Variants in RYR2 observed in about 807,000 individuals in gnomAD.
RYR2 encodes ryanodine receptor 2.
RYR2 carries 227 observed loss-of-function variants against 601.1 expected under a neutral mutation model. That is an observed-to-expected ratio of 0.38 (90% CI 0.34 to 0.42). RYR2 has a LOEUF of 0.42. RYR2 is among the 10% of genes least tolerant of loss of function. RYR2 has a pLI of 1.00. For missense variants in RYR2, 4,646 were observed against 6,156.5 expected (o/e 0.75, Z 8.21); for synonymous variants, 2,223 against 2,175.1 (o/e 1.02, Z -0.61).
rs144136265 is a variant in RYR2 at position 237,140,706 on chromosome 1, G to C, written c.48+98137G>C. On this transcript the variant is annotated intron_variant, in intron 1 of 104. Coordinates refer to ENST00000366574, the MANE Select transcript of RYR2 (RefSeq NM_001035.3). The stretch of plus-strand genomic sequence containing the variant: ...AGGAATTTGGAATTAGACCATATTT[G>C]TTCCTGGGGAAGTGGATTAATTATT... Among the ~76,000 whole-genome samples the C allele has an allele frequency of 1.3e-4, 20 of 152,280 alleles. No homozygotes were observed. In the East Asian group the frequency reaches 3.7e-3, roughly 28 times the overall value.
chr1:237,511,658 A>G (rs1665910746), intron 23 of RYR2, 30 bp from the exon 24 acceptor site: 1 of 1,510,554 alleles, frequency 6.6e-7, no homozygotes, highest in South Asian at 1.2e-5. Flanking sequence ...ATTGGAGACT[A>G]TTTTATGTCA....
intron 1 of RYR2, among the ~76,000 whole-genome samples, chr1:237,262,258 T>TTTTTTTTTTTTG (rs1688612325): frequency 7.3e-6 from 1 of 137,506 alleles, no homozygotes; most frequent in Non-Finnish European, 1.6e-5. Flanking sequence ...TTTTTTTTTT[T>TTTTTTTTTTTTG]TTTTTTTTTT....
At chr1:237,401,469 T>C (rs1297285147) in intron 10 of RYR2, among the ~76,000 whole-genome samples, 2 of 152,178 alleles carry the variant, frequency 1.3e-5, no homozygotes, top group Admixed American at 6.5e-5. Flanking sequence ...AGAACACAGA[T>C]GTTATACTTA....
At chr1:237,068,909 A>G (rs1365120516) in intron 1 of RYR2, among the ~76,000 whole-genome samples, 1 of 152,160 alleles carries the variant, frequency 6.6e-6, no homozygotes, top group Non-Finnish European at 1.5e-5. Flanking sequence ...AAATACATGT[A>G]ATGGTAACAT....
chr1:237,752,997 A>G (rs1364349132), intron 80 of RYR2, among the ~76,000 whole-genome samples: 1 of 152,236 alleles, frequency 6.6e-6, no homozygotes, highest in African/African-American at 2.4e-5. Flanking sequence ...AACAAACAAA[A>G]GAACACAAAG....
intron 71 of RYR2, among the ~76,000 whole-genome samples, chr1:237,716,826 C>A (rs1558278387): frequency 6.6e-6 from 1 of 151,764 alleles, no homozygotes; most frequent in Non-Finnish European, 1.5e-5. Context: ...TTTGTCAAAA[C>A]AAAAATAAGC....
chr1:237,404,283 A>T (rs1467688678), intron 10 of RYR2, among the ~76,000 whole-genome samples: 1 of 152,062 alleles, frequency 6.6e-6, no homozygotes, highest in Non-Finnish European at 1.5e-5. Flanking sequence ...ATAGAGAACA[A>T]CTCATTACAA....
At chr1:237,531,163 T>A (rs1240215234) in intron 25 of RYR2, among the ~76,000 whole-genome samples, 1 of 152,194 alleles carries the variant, frequency 6.6e-6, no homozygotes, top group Non-Finnish European at 1.5e-5. Flanking sequence ...ATAATTTTAT[T>A]TACTTTTACA....
At chr1:237,149,937 TA>T (rs1271945983) in intron 1 of RYR2, among the ~76,000 whole-genome samples, 2 of 152,152 alleles carry the variant, frequency 1.3e-5, no homozygotes, top group Admixed American at 6.5e-5. Flanking sequence ...GATAGCTCAT[TA>T]GGGGGGTTTT....
chr1:237,258,167 TAAAA>T (rs5781947), intron 1 of RYR2, among the ~76,000 whole-genome samples: 4 of 108,254 alleles, frequency 3.7e-5, no homozygotes, highest in African/African-American at 8.5e-5. Context: ...AGACTCCATC[TAAAA>T]AAAAAAAAAA....
intron 35 of RYR2, among the ~76,000 whole-genome samples, chr1:237,602,316 T>C (rs764933631): frequency 6.6e-6 from 1 of 152,188 alleles, no homozygotes; most frequent in Middle Eastern, 3.4e-3. Flanking sequence ...AGTTATCATA[T>C]GTATATTATT....
At position 237,649,813 on chromosome 1, in the gene RYR2, A is replaced by G; in HGVS notation, c.7513-64A>G. 6 of 1,369,932 alleles carry G rather than the reference A, an allele frequency of 4.4e-6. No homozygotes were observed. In the South Asian group the frequency reaches 7.6e-5, roughly 17 times the overall value. The allele number at this position is 1,369,932 out of a possible 1,614,324, so 84.9% of individuals were successfully genotyped here. On this transcript the variant is annotated intron_variant, in intron 49 of 104. Transcript: ENST00000366574. ...TAGTGAAATTGTATGTCCCCATGTT[A>G]ATCCCTTTGAAGATTATCTACTGCC...
rs569746577 is a variant in RYR2, at chr1:237,685,388, C to T, written c.9018-2067C>T. On this transcript the variant is annotated intron_variant, in intron 62 of 104. Transcript: ENST00000366574. Reference sequence around the variant, plus strand: ...GAGGAATCAGCAGAGATTGTCAAGTCCTTTTTCTCTGACAGATTTTCAGGC... The same window carrying T: ...GAGGAATCAGCAGAGATTGTCAAGTTCTTTTTCTCTGACAGATTTTCAGGC... Among the ~76,000 whole-genome samples, 4 of 152,236 alleles carry T rather than the reference C, an allele frequency of 2.6e-5. No individual in the cohort carries two copies. The South Asian group carries it at 6.2e-4, about 24-fold the overall frequency.
chr1:237,159,184 G>T (rs537055478), intron 1 of RYR2, among the ~76,000 whole-genome samples: 1 of 152,044 alleles, frequency 6.6e-6, no homozygotes, highest in Non-Finnish European at 1.5e-5. Flanking sequence ...CCAGCTACTC[G>T]GGAGGCTGAG....
At chr1:237,473,419 ATC>A (rs375072151) in intron 17 of RYR2, among the ~76,000 whole-genome samples, 10 of 124,432 alleles carry the variant, frequency 8.0e-5, no homozygotes, top group African/African-American at 2.6e-4. Flanking sequence ...ACGAGACTCC[ATC>A]TCTCTCTCTC....
chr1:237,602,773 T>C (rs1396997447), intron 35 of RYR2, among the ~76,000 whole-genome samples: 1 of 152,184 alleles, frequency 6.6e-6, no homozygotes, highest in Non-Finnish European at 1.5e-5. Context: ...AAGGTTAGCA[T>C]CTATTACATA....
chr1:237,332,358 T>C (rs1289548995), intron 3 of RYR2, among the ~76,000 whole-genome samples: 1 of 152,170 alleles, frequency 6.6e-6, no homozygotes, highest in Non-Finnish European at 1.5e-5. Context: ...GACTAGAAGC[T>C]TATTTTACAA....
At chr1:237,496,799 C>T in intron 20 of RYR2, 47 bp downstream of exon 20, 1 of 1,570,222 alleles carries the variant, frequency 6.4e-7, no homozygotes, top group Non-Finnish European at 8.7e-7. Context: ...AGATCTTTTG[C>T]TGGGCATTTC....
At chr1:237,370,446 A>G (rs1330992626) in intron 6 of RYR2, among the ~76,000 whole-genome samples, 2 of 152,112 alleles carry the variant, frequency 1.3e-5, no homozygotes, top group African/African-American at 4.8e-5. Flanking sequence ...TTTTCTACAC[A>G]TAAAGTGGAA....
Sources: gnomAD v4.1 joint callset for allele counts (sites outside exome capture counted in the v4.1 genomes callset) on GRCh38, gnomAD v4.1.1 for gene constraint, MANE v1.5 for transcripts, NCBI Gene and HGNC (gene_info 2026-07-23, HGNC 2026-07-21) for gene names.